The following RBFOX1 variants were observed in gnomAD, a reference collection of about 807,000 sequenced individuals.
RBFOX1 encodes RNA binding fox-1 homolog 1, also known as RNA binding protein fox-1 homolog 1.
Under a neutral mutation model 57.7 loss-of-function variants are expected in RBFOX1, and 8 were observed. The observed-to-expected ratio is 0.14, with a 90% confidence interval of 0.08 to 0.25. The LOEUF is 0.25. RBFOX1 is among the 10% of genes least tolerant of loss of function. RBFOX1 has a pLI of 1.00. For missense variants in RBFOX1, 611 were observed against 548.5 expected (o/e 1.11, Z -1.14); for synonymous variants, 326 against 222.4 (o/e 1.47, Z -4.15).
intron 14 of RBFOX1, among the ~76,000 whole-genome samples, chr16:7,703,078 G>A (rs74011869): frequency 0.024 from 3,597 of 151,640 alleles, 132 homozygotes; most frequent in African/African-American, 0.076. Context: ...CTAGACCATG[G>A]CTCTCTAAAG....
intron 1 of RBFOX1, among the ~76,000 whole-genome samples, chr16:5,332,813 C>G (rs1457137099): frequency 2.0e-5 from 3 of 151,894 alleles, no homozygotes; most frequent in African/African-American, 4.8e-5. Flanking sequence ...ATTAAATATA[C>G]TTTATATATA....
intron 3 of RBFOX1, among the ~76,000 whole-genome samples, chr16:6,805,296 A>G (rs2086481082): frequency 5.3e-5 from 8 of 152,168 alleles, no homozygotes; most frequent in Admixed American, 5.2e-4. Context: ...GAACAAAAAA[A>G]CAAATATTGC....
At chr16:6,922,358 C>T (rs1356909621) in intron 3 of RBFOX1, among the ~76,000 whole-genome samples, 1 of 152,148 alleles carries the variant, frequency 6.6e-6, no homozygotes, top group Non-Finnish European at 1.5e-5. Context: ...GCTGCAGCCC[C>T]TTGCAAGCCC....
intron 3 of RBFOX1, among the ~76,000 whole-genome samples, chr16:7,009,835 T>C (rs182500249): frequency 2.4e-4 from 37 of 152,324 alleles, no homozygotes; most frequent in African/African-American, 8.7e-4. Flanking sequence ...AAGTTTGTAT[T>C]TTAATCAAAG....
chr16:6,497,285 G>C (rs1390354045), intron 2 of RBFOX1, among the ~76,000 whole-genome samples: 1 of 152,280 alleles, frequency 6.6e-6, no homozygotes, highest in African/African-American at 2.4e-5. Context: ...TCTCAGGTGG[G>C]CATTAGCTGG....
Position 6,842,966 on chromosome 16 carries a change from C to A in RBFOX1, c.-16+188316C>A, listed in dbSNP as rs1222768125. Among the ~76,000 whole-genome samples the A allele has an allele frequency of 2.0e-5, 3 of 152,084 alleles. No homozygotes were observed. In the East Asian group the frequency reaches 5.8e-4, roughly 29 times the overall value. Reference sequence around the variant, plus strand: ...GTTAGTTTGCTGAGAACGATGGTTTCCAGGTTCATCCATGTCCTTGCAAAG... The same window carrying A: ...GTTAGTTTGCTGAGAACGATGGTTTACAGGTTCATCCATGTCCTTGCAAAG... On this transcript the variant is annotated intron_variant, in intron 3 of 15. Coordinates refer to ENST00000550418, the MANE Select transcript of RBFOX1 (RefSeq NM_018723.4).
chr16:7,028,965 A>G lies in RBFOX1; in HGVS notation c.-15-23092A>G, dbSNP rs577097634. Among the ~76,000 whole-genome samples the G allele has an allele frequency of 5.4e-5, 8 of 148,702 alleles. No individual in the cohort carries two copies. The South Asian group carries it at 1.7e-3, about 32-fold the overall frequency. On this transcript the variant is annotated intron_variant, in intron 3 of 15. Transcript: ENST00000550418. The stretch of plus-strand genomic sequence containing the variant: ...AGTTTAAATGACCATAGCAGCAAGC[A>G]TGCTGTTTGGAAGACCAATCTCCAG...
At chr16:7,553,036 T>C (rs1426684030) in intron 5 of RBFOX1, among the ~76,000 whole-genome samples, 1 of 152,184 alleles carries the variant, frequency 6.6e-6, no homozygotes, top group African/African-American at 2.4e-5. Context: ...GCAAGTCAGA[T>C]ATTTCAGGAG....
chr16:7,258,706 A>G (rs1033294391), intron 4 of RBFOX1, among the ~76,000 whole-genome samples: 6 of 152,166 alleles, frequency 3.9e-5, no homozygotes, highest in Non-Finnish European at 7.4e-5. Context: ...TTGCTGTTCT[A>G]TTAGAGCCAT....
At chr16:6,819,720 A>AAAAC (rs1567396335) in intron 3 of RBFOX1, among the ~76,000 whole-genome samples, 4 of 144,560 alleles carry the variant, frequency 2.8e-5, no homozygotes, top group African/African-American at 1.0e-4. Flanking sequence ...AAAAAAAAAA[A>AAAAC]AAAAAAAAAA....
At chr16:6,874,223 A>C (rs748639129) in intron 3 of RBFOX1, among the ~76,000 whole-genome samples, 4 of 152,092 alleles carry the variant, frequency 2.6e-5, no homozygotes, top group Non-Finnish European at 4.4e-5. Flanking sequence ...AAAAGGAATG[A>C]AATAGGTCAG....
chr16:6,546,381 G>A (rs1409039301), intron 2 of RBFOX1, among the ~76,000 whole-genome samples: 1 of 152,176 alleles, frequency 6.6e-6, no homozygotes, highest in African/African-American at 2.4e-5. Context: ...GACATTTATT[G>A]CCTCACCATT....
chr16:7,705,957 G>C (rs887039052), intron 14 of RBFOX1, among the ~76,000 whole-genome samples: 2 of 152,158 alleles, frequency 1.3e-5, no homozygotes, highest in African/African-American at 4.8e-5. Flanking sequence ...TGGTGTGGAG[G>C]ATGACCATAT....
chr16:7,463,123 C>G (rs2059880187), intron 4 of RBFOX1, among the ~76,000 whole-genome samples: 1 of 152,116 alleles, frequency 6.6e-6, no homozygotes, highest in Admixed American at 6.5e-5. Flanking sequence ...AGGTAAGGGC[C>G]CACTTTTTGG....
intron 4 of RBFOX1, among the ~76,000 whole-genome samples, chr16:7,101,277 G>T (rs371828568): frequency 3.9e-4 from 60 of 152,112 alleles, no homozygotes; most frequent in African/African-American, 1.4e-3. Context: ...GTGCCAGCTC[G>T]CCGCTAGCTT....
intron 3 of RBFOX1, among the ~76,000 whole-genome samples, chr16:5,656,950 G>A (rs1264505502): frequency 6.6e-6 from 1 of 152,132 alleles, no homozygotes; most frequent in African/African-American, 2.4e-5. Flanking sequence ...GGAGCAAGGG[G>A]AGGGAGAACG....
intron 1 of RBFOX1, among the ~76,000 whole-genome samples, chr16:6,296,890 C>T (rs1350777316): frequency 3.3e-5 from 5 of 152,084 alleles, no homozygotes; most frequent in Admixed American, 6.5e-5. Context: ...GATGAGTCTG[C>T]AGAGTAAAGT....
intron 2 of RBFOX1, among the ~76,000 whole-genome samples, chr16:5,474,451 C>T (rs1170280071): frequency 3.3e-5 from 5 of 152,032 alleles, no homozygotes; most frequent in African/African-American, 7.2e-5. Flanking sequence ...GTCAGGAGTT[C>T]GAGACCAGCC....
At chr16:7,643,439 C>T (rs1462525653) in intron 11 of RBFOX1, among the ~76,000 whole-genome samples, 2 of 152,118 alleles carry the variant, frequency 1.3e-5, no homozygotes, top group Admixed American at 6.5e-5. Context: ...CGTGCAATAG[C>T]CCAAAATGTT....
Sources: allele counts gnomAD v4.1 joint callset (sites outside exome capture counted in the v4.1 genomes callset), GRCh38; gene constraint gnomAD v4.1.1; transcripts MANE v1.5; gene names NCBI Gene and HGNC (gene_info 2026-07-23, HGNC 2026-07-21).